HTT: variants seen among roughly 807,000 people sequenced by gnomAD.
HTT encodes the protein huntington disease protein.
A neutral mutation model predicts 362.3 loss-of-function variants in HTT; 104 were observed. The ratio of observed to expected loss-of-function variants is 0.29; its 90% CI spans 0.24 to 0.34. The LOEUF is 0.34. HTT is among the 10% of genes least tolerant of loss of function. The pLI is 1.00. For synonymous variants in HTT, 1,577 were observed against 1,548.7 expected, an observed-to-expected ratio of 1.02 and a Z score of -0.43; for missense variants, 3,301 against 3,928.6, an observed-to-expected ratio of 0.84 and a Z score of 4.27.
chr4:3,094,424 A>G (rs1008140965), intron 2 of HTT, among the ~76,000 whole-genome samples: 3 of 152,078 alleles, frequency 2.0e-5, no homozygotes, highest in Admixed American at 1.3e-4. Flanking sequence ...TCAATGAGCT[A>G]TTGGGTACAC....
intron 2 of HTT, among the ~76,000 whole-genome samples, chr4:3,096,225 A>C (rs754362806): frequency 6.6e-6 from 1 of 152,262 alleles, no homozygotes; most frequent in Non-Finnish European, 1.5e-5. Context: ...GCTAAAATAC[A>C]TGAAGCAAAG....
intron 35 of HTT, 109 bp downstream of exon 35, chr4:3,178,555 A>G (rs1189274550): frequency 1.1e-6 from 1 of 922,272 alleles, no homozygotes; most frequent in African/African-American, 1.6e-5. Flanking sequence ...TGTGCTTCTC[A>G]GGCTCTGCAT....
At chr4:3,168,455 G>T (rs1717815269) in intron 29 of HTT, among the ~76,000 whole-genome samples, 1 of 152,136 alleles carries the variant, frequency 6.6e-6, no homozygotes. Flanking sequence ...AATTAAAATA[G>T]AATCATTTTC....
chr4:3,083,530 TACAC>T (rs56210756), intron 1 of HTT, among the ~76,000 whole-genome samples: 10,507 of 124,496 alleles, frequency 0.084, 580 homozygotes, highest in Middle Eastern at 0.11. Flanking sequence ...TCTCTAAATA[TACAC>T]ACACACACAC....
Position 3,228,758 on chromosome 4 carries a change from C to G in HTT, c.7979+13C>G. 1 of 1,571,620 alleles carries G rather than the reference C, an allele frequency of 6.4e-7. No homozygotes were observed. Among genetic ancestry groups the G allele is most frequent in the Non-Finnish European group, 8.6e-7 (1 of 1,156,494 alleles). On this transcript the variant is annotated intron_variant, in intron 58 of 66. Coordinates refer to ENST00000355072, the MANE Select transcript of HTT (RefSeq NM_001388492.1). The surrounding 1 kb of genome is among the most constrained non-coding windows in gnomAD (Gnocchi z 4.3). ...CAGTCAACTCCAGGTTTTCCAATGG[C>G]CTTTTTCTTTTTAACAGAAATTTGA...
chr4:3,237,254 A>G (rs3135175), intron 64 of HTT, among the ~76,000 whole-genome samples: 37,261 of 151,932 alleles, frequency 0.25, 5,769 homozygotes, highest in East Asian at 0.39. Context: ...TTGTGTTTTT[A>G]GTAGAGACGG....
At position 3,127,210 on chromosome 4, in the gene HTT, C is replaced by T. The variant is rs531240266; in HGVS notation, c.1403-54C>T. 8 of 1,309,200 alleles carry T rather than the reference C, an allele frequency of 6.1e-6. No homozygotes were observed. In the African/African-American group the frequency reaches 8.7e-5, roughly 14 times the overall value. 81.1% of individuals were successfully genotyped at this position (1,309,200 alleles called of 1,614,324 possible). On this transcript the variant is annotated intron_variant, in intron 11 of 66. Transcript: ENST00000355072. Reference sequence around the variant, plus strand: ...TCGTTATTTTGCAAGCCTGTGATTCCCTATTGAATGTTTTCTCTCGCCATT... The same window carrying T: ...TCGTTATTTTGCAAGCCTGTGATTCTCTATTGAATGTTTTCTCTCGCCATT...
intron 21 of HTT, among the ~76,000 whole-genome samples, 165 bp downstream of exon 21, chr4:3,136,491 A>T (rs181977596): frequency 1.0e-3 from 158 of 152,322 alleles, no homozygotes; most frequent in Admixed American, 1.9e-3. Context: ...AATCCAAAAA[A>T]GTCTAAAATT....
chr4:3,239,758 G>T, intron 66 of HTT, 88 bp from the exon 67 acceptor site: 1 of 1,103,622 alleles, frequency 9.1e-7, no homozygotes, highest in South Asian at 1.4e-5. Flanking sequence ...CCCCTTTGTA[G>T]ACTGTTTCAG....
chr4:3,193,131 G>T (rs1719085409), intron 40 of HTT, among the ~76,000 whole-genome samples: 1 of 152,242 alleles, frequency 6.6e-6, no homozygotes, highest in Non-Finnish European at 1.5e-5. Context: ...TGCCGGTAGG[G>T]CCCGGCCGCA....
At position 3,106,224 on chromosome 4, in the gene HTT, T is replaced by G. The variant is rs952274995; in HGVS notation, c.608+788T>G. On this transcript the variant is annotated intron_variant, in intron 5 of 66. Coordinates refer to ENST00000355072, the MANE Select transcript of HTT (RefSeq NM_001388492.1). ...TACAAAACTTAGCCAGGCATGGTGG[T>G]GCGTGCCTGTGGTCACAGCCACTCG... Among the ~76,000 whole-genome samples the G allele has an allele frequency of 3.3e-5, 5 of 152,242 alleles. No individual in the cohort carries two copies. In the East Asian group the frequency reaches 9.7e-4, roughly 29 times the overall value.
chr4:3,115,574 C>G (rs1215175047), intron 7 of HTT, 129 bp downstream of exon 7: 4 of 743,762 alleles, frequency 5.4e-6, no homozygotes, highest in Non-Finnish European at 8.8e-6. Context: ...TGAATGTGAA[C>G]TGCACTGGGG....
intron 24 of HTT, among the ~76,000 whole-genome samples, chr4:3,145,959 G>A (rs1716577938): frequency 6.6e-6 from 1 of 152,154 alleles, no homozygotes; most frequent in Non-Finnish European, 1.5e-5. Flanking sequence ...GGCAACTTTG[G>A]CATTGGAGTA....
chr4:3,217,155 CCACGTAATACA>C (rs1202501433), intron 51 of HTT, among the ~76,000 whole-genome samples: 2 of 152,136 alleles, frequency 1.3e-5, no homozygotes, highest in Non-Finnish European at 2.9e-5. Flanking sequence ...TGGGTAATAG[CCACGTAATACA>C]CACTCACTGC....
chr4:3,133,524 T>TAA (rs59648129), intron 18 of HTT, among the ~76,000 whole-genome samples: 11 of 125,516 alleles, frequency 8.8e-5, no homozygotes, highest in East Asian at 2.4e-4. Context: ...TCAGTTGAAT[T>TAA]AAAAAAAAAA....
At chr4:3,081,294 G>A (rs1012185832) in intron 1 of HTT, among the ~76,000 whole-genome samples, 3 of 152,160 alleles carry the variant, frequency 2.0e-5, no homozygotes, top group South Asian at 2.1e-4. Flanking sequence ...ACAGCTACGC[G>A]GCTCTGCCAT....
chr4:3,147,289 A>C lies in HTT; in HGVS notation c.3295+341A>C, dbSNP rs363102. Among the ~76,000 whole-genome samples, 1,005 of 152,174 alleles carry C rather than the reference A, an allele frequency of 6.6e-3. 13 individuals carry two copies. Among genetic ancestry groups the C allele is most frequent in the African/African-American group, 0.022 (923 of 41,492 alleles). On this transcript the variant is annotated intron_variant, in intron 25 of 66. Coordinates refer to ENST00000355072, the MANE Select transcript of HTT (RefSeq NM_001388492.1). Reference sequence around the variant, plus strand: ...AATGTATGGACTTCATTCTCAAGTTAGTTTTAGATTAGAGGGGGATACACG... The same window carrying C: ...AATGTATGGACTTCATTCTCAAGTTCGTTTTAGATTAGAGGGGGATACACG...
rs1377766160 is a variant in HTT at position 3,228,298 on chromosome 4, C to G, written c.7849-317C>G. Among the ~76,000 whole-genome samples the G allele has an allele frequency of 5.3e-5, 8 of 152,212 alleles. No homozygotes were observed. The highest frequency in any genetic ancestry group is 8.8e-5 in the Non-Finnish European group (6 of 68,034). On this transcript the variant is annotated intron_variant, in intron 57 of 66. Transcript: ENST00000355072. This position sits in a 1 kb window ranked among gnomAD's most constrained non-coding sequence, Gnocchi z 4.3. ...GTATTGGTTCCGTGTTTTGGGGACT[C>G]CATTCAGATGTCACTTAGGAGTGAA... is the stretch of plus-strand genomic sequence containing the variant.
rs1448138447 is a variant in HTT, at chr4:3,074,926, A to C, written c.101A>C (p.Gln34Pro). 4.3e-4 allele frequency: 636 copies of C among 1,466,996 alleles called. 4 individuals carry two copies. The South Asian group carries it at 7.0e-3, about 16-fold the overall frequency. The allele number at this position is 1,466,996 out of a possible 1,614,324, so 90.9% of individuals were successfully genotyped here. A position where few individuals can be genotyped will look rare whatever the true frequency, so the allele number is the denominator to read the frequency against. ...CAGCAGCAGCAGCAGCAGCAGCAGCAGCAGCAGCAACAGCCGCCACCGCCG... is the reference window on the plus strand; with the variant it reads ...CAGCAGCAGCAGCAGCAGCAGCAGCCGCAGCAGCAACAGCCGCCACCGCCG... ...QQQQQQQQQQ[Q>P]QQQQPPPPPP... The change falls in exon 1 of 67, where the codon CAG becomes CCG. Residue 34 changes from glutamine to proline, a missense_variant. By Grantham distance (76) the Gln-to-Pro change is moderately conservative (BLOSUM62 -1). Transcript: ENST00000355072.
Sources: allele counts gnomAD v4.1 joint callset (sites outside exome capture counted in the v4.1 genomes callset), GRCh38; gene constraint gnomAD v4.1.1; non-coding constraint Gnocchi (gnomAD v3.1); transcripts MANE v1.5; gene names NCBI Gene and HGNC (gene_info 2026-07-23, HGNC 2026-07-21).